GBF1: variants seen among roughly 807,000 people sequenced by gnomAD.
The protein encoded by GBF1 is golgi brefeldin A resistant guanine nucleotide exchange factor 1.
GBF1 carries 114 observed loss-of-function variants against 210.5 expected under a neutral mutation model. The observed-to-expected ratio is 0.54, with a 90% CI of 0.47 to 0.63. The LOEUF (loss-of-function observed/expected upper bound fraction) is 0.63, where lower values mean the gene tolerates loss of function less well. Among genes scored for constraint, GBF1 ranks in the 30% least tolerant of loss-of-function variants. The pLI, the probability that GBF1 is intolerant of heterozygous loss-of-function variation, is 0.00. For missense variants in GBF1, 1,851 were observed against 2,357.7 expected, an observed-to-expected ratio of 0.79 and a Z score of 4.45; for synonymous variants, 850 against 889.2, an observed-to-expected ratio of 0.96 and a Z score of 0.78.
At chr10:102,348,194 C>T (rs1217800122) in intron 4 of GBF1, among the ~76,000 whole-genome samples, 1 of 152,220 alleles carries the variant, frequency 6.6e-6, no homozygotes, top group African/African-American at 2.4e-5. Context: ...ACCTCAGCCT[C>T]CCAAAATGCT....
chr10:102,357,501 A>T (rs1323786015), intron 8 of GBF1, among the ~76,000 whole-genome samples: 2 of 152,106 alleles, frequency 1.3e-5, no homozygotes, highest in Non-Finnish European at 2.9e-5. Flanking sequence ...AAAAAAAAAA[A>T]AATATGTTTA....
At chr10:102,364,147 T>C (rs2059770864) in intron 17 of GBF1, among the ~76,000 whole-genome samples, 1 of 151,998 alleles carries the variant, frequency 6.6e-6, no homozygotes, top group South Asian at 2.1e-4. Context: ...AAAGGGAAAT[T>C]GATATTCATT....
Position 102,370,805 on chromosome 10 carries a change from T to C in GBF1, c.3605T>C (p.Val1202Ala), listed in dbSNP as rs1248965836. 2 of 1,613,906 alleles carry C rather than the reference T, an allele frequency of 1.2e-6. No homozygotes were observed. The highest frequency in any genetic ancestry group is 8.5e-7 in the Non-Finnish European group (1 of 1,179,946). Residue 1202 changes from valine (V) to alanine (A), a missense_variant, in exon 29 of 40, where the codon GTG becomes GCG. Transcript: ENST00000369983. ...TGCTTCCTTGTGGAGCGGGCAGTGG[T>C]GGGGTTGCTACGCCTGGCCATTCGG... ...DFCFLVERAV[V>A]GLLRLAIRLL...
At chr10:102,246,586 T>G (rs1026128822) in intron 1 of GBF1, among the ~76,000 whole-genome samples, 3 of 152,176 alleles carry the variant, frequency 2.0e-5, no homozygotes, top group African/African-American at 7.2e-5. Flanking sequence ...CTGGCAAAGT[T>G]TGGTATTGTC....
chr10:102,379,159 T>TG, intron 33 of GBF1, 125 bp from the exon 34 acceptor site: 1 of 784,424 alleles, frequency 1.3e-6, no homozygotes, highest in Non-Finnish European at 2.0e-6. Context: ...AGCGAGGGGG[T>TG]GAGGTATGGC....
In GBF1 at chr10:102,256,773, A is replaced by T. The variant is rs565699441; in HGVS notation, c.-10-2156A>T. 2.6e-5 allele frequency among the ~76,000 whole-genome samples: 4 copies of T among 152,234 alleles called. No individual in the cohort carries two copies. In the East Asian group the frequency reaches 7.7e-4, roughly 29 times the overall value. On this transcript the variant is annotated intron_variant, in intron 1 of 39. Coordinates refer to ENST00000369983, the MANE Select transcript of GBF1 (RefSeq NM_001377137.1). ...TTATCTACCTGCCTTGACACTCCTG[A>T]AGTGCTGGGATTACAGGCATGAGCC...
intron 29 of GBF1, among the ~76,000 whole-genome samples, chr10:102,371,312 A>G (rs1362178637): frequency 1.3e-5 from 2 of 152,262 alleles, no homozygotes. Context: ...AATTTAAAAT[A>G]CAATACCATT....
At position 102,362,458 on chromosome 10, in the gene GBF1, A is replaced by G. The variant is rs781230880; in HGVS notation, c.1687-17A>G. 1.3e-6 allele frequency: 2 copies of G among 1,563,552 alleles called. No individual in the cohort carries two copies. Among genetic ancestry groups the G allele is most frequent in the Non-Finnish European group, 1.8e-6 (2 of 1,137,006 alleles). ...GTTCTCCTAACTACAAGTCCAATTG[A>G]TCTGTTTACTTTCCAGAATGCCTTC... On this transcript the variant is annotated splice_polypyrimidine_tract_variant and intron_variant, in intron 14 of 39. Coordinates refer to ENST00000369983, the MANE Select transcript of GBF1 (RefSeq NM_001377137.1).
intron 29 of GBF1, 33 bp from the exon 30 acceptor site, chr10:102,375,326 G>A (rs746662959): frequency 3.9e-6 from 5 of 1,278,896 alleles, no homozygotes; most frequent in East Asian, 2.3e-5. Context: ...ACAGCTCCCC[G>A]CTTCCCCGCT....
chr10:102,335,055 T>G (rs1209020964), intron 3 of GBF1, among the ~76,000 whole-genome samples: 1 of 152,078 alleles, frequency 6.6e-6, no homozygotes, highest in Non-Finnish European at 1.5e-5. Context: ...CCAAGACATC[T>G]CCAAAGGGCT....
upstream of GBF1, among the ~76,000 whole-genome samples, chr10:102,245,093 G>A (rs947812412): frequency 1.3e-5 from 2 of 152,190 alleles, no homozygotes; most frequent in African/African-American, 4.8e-5. Context: ...GATTCCTCAA[G>A]GGGCATGGTC....
At chr10:102,342,661 T>C (rs978421382) in intron 3 of GBF1, among the ~76,000 whole-genome samples, 1 of 151,988 alleles carries the variant, frequency 6.6e-6, no homozygotes, top group Non-Finnish European at 1.5e-5. Context: ...TCCCTATATT[T>C]GCATGAAAAT....
intron 3 of GBF1, among the ~76,000 whole-genome samples, chr10:102,327,410 T>C (rs1384444600): frequency 6.6e-6 from 1 of 152,178 alleles, no homozygotes; most frequent in Non-Finnish European, 1.5e-5. Flanking sequence ...TCTTAGGTAT[T>C]TAGTCAAGAG....
Position 102,338,134 on chromosome 10 carries a change from C to A in GBF1, c.164-5917C>A, listed in dbSNP as rs535500280. Among the ~76,000 whole-genome samples the A allele has an allele frequency of 2.6e-5, 4 of 152,066 alleles. No individual in the cohort carries two copies. In the East Asian group the frequency reaches 7.7e-4, roughly 29 times the overall value. On this transcript the variant is annotated intron_variant, in intron 3 of 39. Transcript: ENST00000369983. Reference sequence around the variant, plus strand: ...TGGTGGGCTCATTAAAAAGTTTAACCCTTCTAGTTTTTCATCAGTAGGTTT... The same window carrying A: ...TGGTGGGCTCATTAAAAAGTTTAACACTTCTAGTTTTTCATCAGTAGGTTT...
chr10:102,363,005 C>G lies in GBF1; in HGVS notation c.1877-251C>G, dbSNP rs549982976. Among the ~76,000 whole-genome samples, 2 of 152,334 alleles carry G rather than the reference C, an allele frequency of 1.3e-5. No individual in the cohort carries two copies. Among genetic ancestry groups the G allele is most frequent in the South Asian group, 4.1e-4 (2 of 4,832 alleles). The stretch of plus-strand genomic sequence containing the variant: ...CTGCCTCCACTCTAATTAGTCCTCT[C>G]TAGCTCCCCCTTGAAATTTGAGGTT... On this transcript the variant is annotated intron_variant, in intron 15 of 39. Transcript: ENST00000369983. The surrounding 1 kb of genome is among the most constrained non-coding windows in gnomAD (Gnocchi z 4.2).
intron 4 of GBF1, among the ~76,000 whole-genome samples, chr10:102,347,190 G>A (rs546099742): frequency 7.9e-5 from 12 of 152,282 alleles, no homozygotes; most frequent in African/African-American, 2.9e-4. Flanking sequence ...GCTTTAGCTA[G>A]CCAGAAAAGA....
intron 3 of GBF1, among the ~76,000 whole-genome samples, chr10:102,299,619 C>T (rs2077175963): frequency 6.6e-6 from 1 of 152,048 alleles, no homozygotes; most frequent in Non-Finnish European, 1.5e-5. Context: ...CCCGTCTCTA[C>T]TAAAAATACA....
Position 102,344,048 on chromosome 10 carries a change from C to T in GBF1, c.164-3C>T. ...CTCTTCATTTCTGTGTATTTTCTTG[C>T]AGAACTCTCAGAAATTGAGCCCAAT... On this transcript the variant is annotated splice_region_variant and splice_polypyrimidine_tract_variant and intron_variant, in intron 3 of 39. Coordinates refer to ENST00000369983, the MANE Select transcript of GBF1 (RefSeq NM_001377137.1). 1 of 1,611,050 alleles carries T rather than the reference C, an allele frequency of 6.2e-7. No homozygotes were observed. The highest frequency in any genetic ancestry group is 8.5e-7 in the Non-Finnish European group (1 of 1,177,308).
At chr10:102,335,075 T>C (rs1281498938) in intron 3 of GBF1, among the ~76,000 whole-genome samples, 1 of 152,004 alleles carries the variant, frequency 6.6e-6, no homozygotes, top group African/African-American at 2.4e-5. Context: ...TTCACTTTGC[T>C]TTGGGTTGAA....
Sources: allele counts gnomAD v4.1 joint callset (sites outside exome capture counted in the v4.1 genomes callset), GRCh38; gene constraint gnomAD v4.1.1; non-coding constraint Gnocchi (gnomAD v3.1); transcripts MANE v1.5; gene names NCBI Gene and HGNC (gene_info 2026-07-23, HGNC 2026-07-21).